The following IER3IP1 variants were observed in gnomAD, a reference collection of about 807,000 sequenced individuals.
IER3IP1 encodes the protein immediate early response 3-interacting protein 1.
In IER3IP1, 16 loss-of-function variants were observed where a neutral mutation model predicts 12.2. That is an observed-to-expected ratio of 1.31 (90% CI 0.89 to 1.99). The LOEUF (loss-of-function observed/expected upper bound fraction) is 1.99, where lower values mean the gene tolerates loss of function less well. Ranked by LOEUF, IER3IP1 falls within the 30% of genes most tolerant of loss-of-function variation. The pLI, the probability that IER3IP1 is intolerant of heterozygous loss-of-function variation, is 0.00. For missense variants in IER3IP1, 95 were observed against 95.8 expected (o/e 0.99, Z 0.03); for synonymous variants, 42 against 40.0 (o/e 1.05, Z -0.19).
rs899621898 is a variant in IER3IP1, at chr18:47,154,780, G to C, written c.*1397C>G. On this transcript the variant is annotated 3_prime_UTR_variant, in exon 3 of 3. Transcript: ENST00000256433. ...ATCACTGATCTCTAACTTAGGAAAG[G>C]CCAAAAGGTACTTAATACCTGCTCC... The C allele has an allele frequency of 1.4e-4, 22 of 152,128 alleles. No individual in the cohort carries two copies. The highest frequency in any genetic ancestry group is 4.8e-4 in the African/African-American group (20 of 41,430). The allele number at this position is 152,128 out of a possible 1,614,324, so 9.4% of individuals were successfully genotyped here.
chr18:47,174,436 C>G (rs1201984889), intron 1 of IER3IP1, among the ~76,000 whole-genome samples: 1 of 152,052 alleles, frequency 6.6e-6, no homozygotes, highest in Non-Finnish European at 1.5e-5. Flanking sequence ...CTTGGGAGGC[C>G]GAGGTGGGCA....
chr18:47,159,994 G>A (rs550550475), intron 1 of IER3IP1, among the ~76,000 whole-genome samples: 22 of 152,008 alleles, frequency 1.4e-4, no homozygotes, highest in Non-Finnish European at 2.4e-4. Context: ...TCGGGAGTTC[G>A]AGACCAGCCT....
chr18:47,157,028 G>A (rs779861734), intron 2 of IER3IP1: 24 of 190,298 alleles, frequency 1.3e-4, no homozygotes, highest in Non-Finnish European at 2.4e-4. Context: ...CTGACCTCAG[G>A]TGATCTGCCT....
At chr18:47,173,432 T>C (rs1243445990) in intron 1 of IER3IP1, among the ~76,000 whole-genome samples, 1 of 152,108 alleles carries the variant, frequency 6.6e-6, no homozygotes, top group African/African-American at 2.4e-5. Context: ...ATGCAACCTC[T>C]GCTTCCCAGG....
intron 1 of IER3IP1, among the ~76,000 whole-genome samples, chr18:47,159,874 A>G (rs1225054620): frequency 9.2e-5 from 14 of 152,008 alleles, no homozygotes; most frequent in Admixed American, 9.2e-4. Flanking sequence ...GGTTTGATAT[A>G]CATCAACATG....
At chr18:47,175,728 T>C (rs2049929444) in intron 1 of IER3IP1, among the ~76,000 whole-genome samples, 1 of 152,060 alleles carries the variant, frequency 6.6e-6, no homozygotes, top group Non-Finnish European at 1.5e-5. Flanking sequence ...GCCAAAGTGC[T>C]GGGATTACAG....
At chr18:47,161,896 T>C (rs1047990446) in intron 1 of IER3IP1, among the ~76,000 whole-genome samples, 2 of 151,602 alleles carry the variant, frequency 1.3e-5, no homozygotes, top group Admixed American at 6.6e-5. Flanking sequence ...GAGACAGTGA[T>C]AGATCATCAG....
At position 47,156,025 on chromosome 18, in the gene IER3IP1, AC is replaced by A. The variant is rs1030895846; in HGVS notation, c.*151del. On this transcript the variant is annotated 3_prime_UTR_variant, in exon 3 of 3. Transcript: ENST00000256433. ...TACAAGTGCAACATTAAAAAAAAAAACAGATAAATAGAAACCCTGGTTTTAT... is the reference window on the plus strand; with the variant it reads ...TACAAGTGCAACATTAAAAAAAAAAAAGATAAATAGAAACCCTGGTTTTAT... The A allele has an allele frequency of 3.2e-6, 2 of 620,776 alleles. No homozygotes were observed. Among genetic ancestry groups the A allele is most frequent in the South Asian group, 1.9e-5 (1 of 51,592 alleles). 38.5% of individuals were successfully genotyped at this position (620,776 alleles called of 1,614,324 possible). A position where few individuals can be genotyped will look rare whatever the true frequency, so the allele number is the denominator to read the frequency against.
rs925117924 is a variant in IER3IP1 at position 47,163,890 on chromosome 18, C to T, written c.92-6353G>A. On this transcript the variant is annotated intron_variant, in intron 1 of 2. Transcript: ENST00000256433. ...AAATTATGTTTTAAAACCACCTTTA[C>T]ATGGTATTGATAGTTTCATTTTCTT... Among the ~76,000 whole-genome samples, 6 of 152,122 alleles carry T rather than the reference C, an allele frequency of 3.9e-5. No individual in the cohort carries two copies. The South Asian group carries it at 1.0e-3, about 26-fold the overall frequency.
rs976691111 is a variant in IER3IP1 at position 47,155,488 on chromosome 18, G to T, written c.*689C>A. ...CAGACTTATAGATTTTTCTGACAAT[G>T]AAAATCTGTAGACACTGGTCTGGTC... On this transcript the variant is annotated 3_prime_UTR_variant, in exon 3 of 3. Coordinates refer to ENST00000256433, the MANE Select transcript of IER3IP1 (RefSeq NM_016097.5). The T allele has an allele frequency of 2.6e-5, 4 of 152,106 alleles. No homozygotes were observed. Among genetic ancestry groups the T allele is most frequent in the African/African-American group, 9.7e-5 (4 of 41,408 alleles). 9.4% of individuals were successfully genotyped at this position (152,106 alleles called of 1,614,324 possible).
At chr18:47,173,133 A>G (rs945442640) in intron 1 of IER3IP1, among the ~76,000 whole-genome samples, 3 of 152,176 alleles carry the variant, frequency 2.0e-5, no homozygotes, top group Non-Finnish European at 2.9e-5. Context: ...CCACTTGCGT[A>G]TCTCATAGAA....
chr18:47,157,284 A>C (rs989344943), intron 2 of IER3IP1, 152 bp downstream of exon 2: 3 of 655,450 alleles, frequency 4.6e-6, no homozygotes, highest in Non-Finnish European at 5.3e-6. Context: ...AAAAAAAAAA[A>C]AAAAACCCAG....
intron 1 of IER3IP1, among the ~76,000 whole-genome samples, chr18:47,161,766 T>C (rs146835210): frequency 6.6e-6 from 1 of 152,118 alleles, no homozygotes; most frequent in East Asian, 1.9e-4. Context: ...GTACTTTATT[T>C]CTATTATTAT....
In IER3IP1 at chr18:47,153,168, T is replaced by C. The variant is rs924188957; in HGVS notation, c.*3009A>G. ...ATAGAACACAGATTGCCTACTCTTA[T>C]TGTATCTAAAGCAAGGATTTTGATG... On this transcript the variant is annotated 3_prime_UTR_variant, in exon 3 of 3. Coordinates refer to ENST00000256433, the MANE Select transcript of IER3IP1 (RefSeq NM_016097.5). The C allele has an allele frequency of 1.3e-5, 2 of 152,240 alleles. No homozygotes were observed. The highest frequency in any genetic ancestry group is 4.8e-5 in the African/African-American group (2 of 41,466). The allele number at this position is 152,240 out of a possible 1,614,324, so 9.4% of individuals were successfully genotyped here. A position where few individuals can be genotyped will look rare whatever the true frequency, so the allele number is the denominator to read the frequency against.
At position 47,176,322 on chromosome 18, in the gene IER3IP1, C is replaced by G; in HGVS notation, c.-45G>C. On this transcript the variant is annotated 5_prime_UTR_variant, in exon 1 of 3. Coordinates refer to ENST00000256433, the MANE Select transcript of IER3IP1 (RefSeq NM_016097.5). ...GAAGTCCAAGCGATTTCTCTCCCGC[C>G]GCCGCAAGGGACGTGGCGCCTCCAC... The G allele has an allele frequency of 1.3e-6, 2 of 1,523,296 alleles. No individual in the cohort carries two copies. The highest frequency in any genetic ancestry group is 1.8e-6 in the Non-Finnish European group (2 of 1,116,878). The allele number at this position is 1,523,296 out of a possible 1,614,324, so 94.4% of individuals were successfully genotyped here.
In IER3IP1 at chr18:47,154,732, A is replaced by G. The variant is rs1480163549; in HGVS notation, c.*1445T>C. 6.6e-6 allele frequency: 1 copy of G among 152,216 alleles called. No individual in the cohort carries two copies. The highest frequency in any genetic ancestry group is 2.4e-5 in the African/African-American group (1 of 41,462). 9.4% of individuals were successfully genotyped at this position (152,216 alleles called of 1,614,324 possible). On this transcript the variant is annotated 3_prime_UTR_variant, in exon 3 of 3. Coordinates refer to ENST00000256433, the MANE Select transcript of IER3IP1 (RefSeq NM_016097.5). ...GAATCCTTGGTACTTTCCTTGGACT[A>G]GCTGCAAGCCTATAGTCCAAAGATC...
intron 1 of IER3IP1, among the ~76,000 whole-genome samples, chr18:47,167,817 T>C (rs1203031546): frequency 1.3e-5 from 2 of 152,144 alleles, no homozygotes; most frequent in South Asian, 2.1e-4. Flanking sequence ...GTTAGACACA[T>C]TGCAGGTGTT....
intron 1 of IER3IP1, among the ~76,000 whole-genome samples, chr18:47,164,922 G>A (rs1213191): frequency 2.0e-5 from 3 of 152,186 alleles, no homozygotes; most frequent in African/African-American, 4.8e-5. Context: ...AAGTTGAATA[G>A]AAAAAGTTAC....
chr18:47,163,762 TAAA>T (rs1029320969), intron 1 of IER3IP1, among the ~76,000 whole-genome samples: 4 of 152,154 alleles, frequency 2.6e-5, no homozygotes, highest in African/African-American at 4.8e-5. Flanking sequence ...TTGATAAAAG[TAAA>T]AACAAAATTT....
Sources: gnomAD v4.1 joint callset for allele counts (sites outside exome capture counted in the v4.1 genomes callset) on GRCh38, gnomAD v4.1.1 for gene constraint, MANE v1.5 for transcripts, NCBI Gene and HGNC (gene_info 2026-07-23, HGNC 2026-07-21) for gene names.